SMARCC2: variants seen among roughly 807,000 people sequenced by gnomAD.
The protein encoded by SMARCC2 is SWI/SNF complex subunit SMARCC2.
SMARCC2 carries 15 observed loss-of-function variants against 151.3 expected under a neutral mutation model. The observed-to-expected ratio is 0.10, with a 90% CI of 0.07 to 0.15. The LOEUF is 0.15. SMARCC2 is among the 10% of genes least tolerant of loss of function. The pLI is 1.00. For synonymous variants in SMARCC2, 590 were observed against 609.5 expected (o/e 0.97, Z 0.47); for missense variants, 1,031 against 1,599.7 (o/e 0.64, Z 6.06).
At chr12:56,186,627 G>A (rs1456188982) in intron 2 of SMARCC2, 1 of 225,350 alleles carries the variant, frequency 4.4e-6, no homozygotes, top group Non-Finnish European at 8.9e-6. Flanking sequence ...TGAGATTACA[G>A]GCGTGAGCCA....
Position 56,164,528 on chromosome 12 carries a change from TAGG to T in SMARCC2, c.3433_3435del (p.Pro1145del), listed in dbSNP as rs747179503. The T allele has an allele frequency of 2.7e-5, 44 of 1,613,882 alleles. No individual in the cohort carries two copies. In the East Asian group the frequency reaches 9.4e-4, roughly 34 times the overall value. ...AGATGGTGGTGATGCCCATGCAGGTTAGGAGGAGCGGGGAGGTTAATACTGATG... is the reference window on the plus strand; with the variant it reads ...AGATGGTGGTGATGCCCATGCAGGTTAGGAGCGGGGAGGTTAATACTGATG... On this transcript the variant is annotated inframe_deletion, in exon 28 of 29. Transcript: ENST00000550164.
Position 56,171,425 on chromosome 12 carries a change from G to A in SMARCC2, c.2193C>T (p.Phe731=). The A allele has an allele frequency of 1.9e-6, 3 of 1,614,234 alleles. No individual in the cohort carries two copies. Among genetic ancestry groups the A allele is most frequent in the Non-Finnish European group, 2.5e-6 (3 of 1,180,034 alleles). The change falls in exon 22 of 29, where the codon TTC becomes TTT. Residue 731 remains phenylalanine, a synonymous_variant. Transcript: ENST00000550164. The surrounding 1 kb of genome is among the most constrained non-coding windows in gnomAD (Gnocchi z 4.2). The part of the protein sequence containing the change: ...SAAAKSALEE[F]SKMKEEVPTA... ...TGGGTACCTCTTCCTTCATTTTGGA[G>A]AACTCCTCTGCAAGACCCAGAAAGA...
At chr12:56,184,703 C>T (rs1876890053) in intron 5 of SMARCC2, 141 bp downstream of exon 5, 5 of 621,554 alleles carry the variant, frequency 8.0e-6, no homozygotes, top group Middle Eastern at 5.7e-4. Flanking sequence ...AGACTCAAGG[C>T]TTTAACTCAA....
Position 56,179,039 on chromosome 12 carries a change from A to C in SMARCC2, c.1099T>G (p.Ser367Ala). ...LPKTVNTKKD[S>A]ESAPVKGGTM... ...CCGCCTTTGACTGGGGCCGACTCTG[A>C]GTCTTTCTTTGTGTTGACTGCGAAA... Residue 367 changes from serine to alanine, a missense_variant, in exon 12 of 29, where the codon TCA becomes GCA. Ser to Ala is a moderately conservative substitution (Grantham distance 99). Transcript: ENST00000550164. The C allele has an allele frequency of 1.2e-6, 2 of 1,614,122 alleles. No homozygotes were observed.
chr12:56,184,375 A>G (rs940275453), intron 5 of SMARCC2, 131 bp from the exon 6 acceptor site: 2 of 643,212 alleles, frequency 3.1e-6, no homozygotes, highest in African/African-American at 3.6e-5. Flanking sequence ...CTCTAAGCAC[A>G]CACCAGCTAA....
At chr12:56,166,707 A>G (rs940875939) in intron 26 of SMARCC2, among the ~76,000 whole-genome samples, 1 of 151,152 alleles carries the variant, frequency 6.6e-6, no homozygotes, top group Non-Finnish European at 1.5e-5. Context: ...CTCCCACCTC[A>G]GCTTCCTGAG....
chr12:56,173,635 G>C, intron 17 of SMARCC2, 61 bp downstream of exon 17: 2 of 1,470,674 alleles, frequency 1.4e-6, no homozygotes, highest in Admixed American at 4.2e-5. Flanking sequence ...ACCAGAAAAA[G>C]AAAAGTTCAA....
intron 14 of SMARCC2, 118 bp downstream of exon 14, chr12:56,178,286 C>G: frequency 8.2e-7 from 1 of 1,217,016 alleles, no homozygotes; most frequent in Admixed American, 1.8e-5. Context: ...AAAGTGTACT[C>G]TGGTCTATTT....
At chr12:56,173,560 G>A (rs953984396) in intron 17 of SMARCC2, 136 bp downstream of exon 17, 13 of 762,356 alleles carry the variant, frequency 1.7e-5, no homozygotes, top group East Asian at 2.5e-5. Context: ...GCTGATTCCC[G>A]TGACCCTTTG....
chr12:56,179,118 T>C, intron 11 of SMARCC2, 62 bp from the exon 12 acceptor site: 1 of 1,428,194 alleles, frequency 7.0e-7, no homozygotes, highest in East Asian at 2.3e-5. Context: ...TTCAATTTAA[T>C]AGTTCCAGAC....
chr12:56,173,677 C>G lies in SMARCC2; in HGVS notation c.1650+19G>C, dbSNP rs1435660243. ...CCAATCTTCCCAACCCGCCCCATCC[C>G]CATAGCACCTCACCCTACCTGAGGT... On this transcript the variant is annotated intron_variant, in intron 17 of 28. Coordinates refer to ENST00000550164, the MANE Select transcript of SMARCC2 (RefSeq NM_001330288.2). 1 of 1,604,146 alleles carries G rather than the reference C, an allele frequency of 6.2e-7. No individual in the cohort carries two copies. The highest frequency in any genetic ancestry group is 1.1e-5 in the South Asian group (1 of 90,028).
intron 25 of SMARCC2, 57 bp from the exon 26 acceptor site, chr12:56,168,251 C>T (rs779437529): frequency 1.3e-5 from 21 of 1,601,876 alleles, no homozygotes; most frequent in Non-Finnish European, 1.8e-5. Flanking sequence ...GAAGACAATA[C>T]AGAAGAAAGG....
In SMARCC2 at chr12:56,174,694, C is replaced by A; in HGVS notation, c.1453G>T (p.Ala485Ser). Residue 485 changes from alanine (A) to serine (S), a missense_variant, in exon 16 of 29, where the codon GCC (alanine) becomes TCC (serine). By Grantham distance (99) the Ala-to-Ser change is moderately conservative. Around this residue, in one of 12 missense-constraint regions of SMARCC2, gnomAD observed 51 missense variants for 135.1 expected, o/e 0.38. Coordinates refer to ENST00000550164, the MANE Select transcript of SMARCC2 (RefSeq NM_001330288.2). The part of the protein sequence containing the change: ...LNPQEYLTST[A>S]CRRNLAGDVC... ...TCACCCGCTAGGTTTCGGCGGCAGG[C>A]GGTAGAGGTAAGATACTCTTGGGGG... 6.2e-7 allele frequency: 1 copy of A among 1,613,898 alleles called. No individual in the cohort carries two copies. Among genetic ancestry groups the A allele is most frequent in the Non-Finnish European group, 8.5e-7 (1 of 1,179,930 alleles).
Position 56,169,874 on chromosome 12 carries a change from G to C in SMARCC2, c.2450C>G (p.Ala817Gly), listed in dbSNP as rs1873574472. The C allele has an allele frequency of 6.2e-7, 1 of 1,613,626 alleles. No individual in the cohort carries two copies. The highest frequency in any genetic ancestry group is 1.3e-5 in the African/African-American group (1 of 74,772). Residue 817 changes from alanine to glycine, a missense_variant, in exon 24 of 29, where the codon GCA becomes GGA. Physicochemically the swap from Ala to Gly is moderately conservative, Grantham distance 60. This residue lies in a region of SMARCC2 where 119 missense variants were observed against 184.2 expected (regional missense o/e 0.65). Coordinates refer to ENST00000550164, the MANE Select transcript of SMARCC2 (RefSeq NM_001330288.2). The stretch of plus-strand genomic sequence containing the variant: ...GGGAGCCTCGCTGGTTTTCTCTTTT[G>C]CTTCCTCCTCTATAGCACCCCCTCC... ...REGGGAIEEE[A>G]KEKTSEAPKK...
Position 56,174,592 on chromosome 12 carries a change from A to G in SMARCC2, c.1496+59T>C, listed in dbSNP as rs572262179. On this transcript the variant is annotated intron_variant, in intron 16 of 28. Transcript: ENST00000550164. ...CTTGCTGGCATCTCTACTGTTGCCA[A>G]AACACATCCATAGGCAGGCATCCTC... The G allele has an allele frequency of 8.8e-6, 10 of 1,136,806 alleles. No homozygotes were observed. The African/African-American group carries it at 1.5e-4, about 17-fold the overall frequency. 70.4% of individuals were successfully genotyped at this position (1,136,806 alleles called of 1,614,324 possible). A position where few individuals can be genotyped will look rare whatever the true frequency, so the allele number is the denominator to read the frequency against.
At position 56,171,809 on chromosome 12, in the gene SMARCC2, G is replaced by A. The variant is rs1384768848; in HGVS notation, c.2055C>T (p.Ala685=). 6.2e-7 allele frequency: 1 copy of A among 1,614,060 alleles called. No individual in the cohort carries two copies. The highest frequency in any genetic ancestry group is 1.1e-5 in the South Asian group (1 of 91,086). Residue 685 remains alanine (A), a synonymous_variant, in exon 21 of 29, where the codon GCC becomes GCT. Transcript: ENST00000550164. The surrounding 1 kb of genome is among the most constrained non-coding windows in gnomAD (Gnocchi z 4.2). Reference sequence around the variant, plus strand: ...GTTGGTAGGCCAGGGGGCCTAGGGAGGCCTCTGAGTCCTCCAGGTATGGGT... The same window carrying A: ...GTTGGTAGGCCAGGGGGCCTAGGGAAGCCTCTGAGTCCTCCAGGTATGGGT... ...IEDPYLEDSE[A]SLGPLAYQPI...
At chr12:56,183,293 AC>A (rs1480954521) in intron 7 of SMARCC2, 2 of 151,540 alleles carry the variant, frequency 1.3e-5, no homozygotes, top group African/African-American at 4.9e-5. Context: ...AGTAGCTAAA[AC>A]TACAGGCGTG....
chr12:56,168,266 G>C, intron 25 of SMARCC2, 72 bp from the exon 26 acceptor site: 4 of 1,563,678 alleles, frequency 2.6e-6, no homozygotes, highest in Non-Finnish European at 3.5e-6. Flanking sequence ...GAAAGGTAGG[G>C]TGGATGCTGG....
In SMARCC2 at chr12:56,173,768, C is replaced by T. The variant is rs762075265; in HGVS notation, c.1578G>A (p.Pro526=). 3.0e-5 allele frequency: 48 copies of T among 1,613,854 alleles called. No individual in the cohort carries two copies. The highest frequency in any genetic ancestry group is 6.7e-5 in the Admixed American group (4 of 59,982). The stretch of plus-strand genomic sequence containing the variant: ...CCAAGACATGGAAGTGAGAGGTAGG[C>T]GGAGGCCCCATTGGGGTTGGTCGAC... The part of the protein sequence containing the change: ...AESRPTPMGP[P]PTSHFHVLAD... Residue 526 remains proline, a synonymous_variant, in exon 17 of 29, where the codon CCG becomes CCA. Transcript: ENST00000550164.
Sources: allele counts gnomAD v4.1 joint callset (sites outside exome capture counted in the v4.1 genomes callset), GRCh38; gene constraint gnomAD v4.1.1; regional missense constraint gnomAD v4.1.1; non-coding constraint Gnocchi (gnomAD v3.1); transcripts MANE v1.5; gene names NCBI Gene and HGNC (gene_info 2026-07-23, HGNC 2026-07-21).